Variants in ZRANB3 observed in about 807,000 individuals in gnomAD.
ZRANB3 encodes the protein DNA annealing helicase and endonuclease ZRANB3.
ZRANB3 carries 125 observed loss-of-function variants against 133.8 expected under a neutral mutation model. The observed-to-expected ratio is 0.93, with a 90% confidence interval of 0.81 to 1.08. The LOEUF (loss-of-function observed/expected upper bound fraction) is 1.08, where lower values mean the gene tolerates loss of function less well. Among genes scored for constraint, ZRANB3 ranks in the 50% least tolerant of loss-of-function variants. The pLI, the probability that ZRANB3 is intolerant of heterozygous loss-of-function variation, is 0.00. For missense variants in ZRANB3, 1,229 were observed against 1,275.5 expected, an observed-to-expected ratio of 0.96 and a Z score of 0.56; for synonymous variants, 387 against 432.7, an observed-to-expected ratio of 0.89 and a Z score of 1.31.
intron 15 of ZRANB3, among the ~76,000 whole-genome samples, chr2:135,221,081 T>A (rs1367504693): frequency 4.6e-5 from 7 of 152,022 alleles, no homozygotes; most frequent in Admixed American, 2.0e-4. Context: ...GGTCACGAAT[T>A]CCTGACCTCA....
chr2:135,249,149 A>G (rs1679240892), intron 12 of ZRANB3, among the ~76,000 whole-genome samples: 1 of 152,222 alleles, frequency 6.6e-6, no homozygotes, highest in Non-Finnish European at 1.5e-5. Context: ...TGTTGGTGGG[A>G]GTGTAAATTA....
chr2:135,317,378 T>C (rs1255661207), intron 6 of ZRANB3, among the ~76,000 whole-genome samples: 1 of 152,194 alleles, frequency 6.6e-6, no homozygotes, highest in Non-Finnish European at 1.5e-5. Context: ...ACTACCAATA[T>C]TGGGAAGAAG....
intron 2 of ZRANB3, among the ~76,000 whole-genome samples, chr2:135,417,932 G>A (rs1688664387): frequency 6.6e-6 from 1 of 152,142 alleles, no homozygotes; most frequent in Non-Finnish European, 1.5e-5. Context: ...GACACAGGAA[G>A]GAGAACATCA....
chr2:135,230,272 G>T (rs975488821), intron 13 of ZRANB3, among the ~76,000 whole-genome samples: 140 of 152,300 alleles, frequency 9.2e-4, no homozygotes, highest in African/African-American at 3.2e-3. Flanking sequence ...ATGTCCATTT[G>T]TGCCAAATTA....
rs183195610 is a variant in ZRANB3 at position 135,455,885 on chromosome 2, C to T, written c.161+48444G>A. On this transcript the variant is annotated intron_variant, in intron 2 of 20. Coordinates refer to ENST00000264159, the MANE Select transcript of ZRANB3 (RefSeq NM_032143.4). ...CTGGGATTACAGGCATGAGCCACCG[C>T]GCCCGGCCCAACTATTGATTTTTTA... Among the ~76,000 whole-genome samples the T allele has an allele frequency of 1.4e-3, 218 of 152,172 alleles. 1 individual carries two copies. Among genetic ancestry groups the T allele is most frequent in the African/African-American group, 5.0e-3 (208 of 41,522 alleles).
intron 8 of ZRANB3, among the ~76,000 whole-genome samples, chr2:135,312,509 C>T (rs1414838754): frequency 6.6e-6 from 1 of 152,068 alleles, no homozygotes; most frequent in Non-Finnish European, 1.5e-5. Context: ...GTGGTAAAAA[C>T]AACTACCACA....
chr2:135,374,183 G>A (rs912709085), intron 3 of ZRANB3, among the ~76,000 whole-genome samples: 2 of 152,126 alleles, frequency 1.3e-5, no homozygotes, highest in African/African-American at 2.4e-5. Context: ...AAGGTGGGCG[G>A]ATCACCTGAG....
chr2:135,208,181 A>T (rs1445308288), intron 18 of ZRANB3, among the ~76,000 whole-genome samples: 3 of 152,074 alleles, frequency 2.0e-5, no homozygotes, highest in Non-Finnish European at 4.4e-5. Flanking sequence ...ACCCCAACCA[A>T]AGCTTAGTGG....
intron 2 of ZRANB3, among the ~76,000 whole-genome samples, chr2:135,431,119 A>AT (rs1689301355): frequency 2.0e-5 from 3 of 151,056 alleles, no homozygotes; most frequent in Non-Finnish European, 4.4e-5. Context: ...TAAAAAAAAA[A>AT]AAAATAAATA....
At chr2:135,498,360 G>C (rs1029801784) in intron 2 of ZRANB3, among the ~76,000 whole-genome samples, 1 of 152,106 alleles carries the variant, frequency 6.6e-6, no homozygotes, top group Non-Finnish European at 1.5e-5. Flanking sequence ...TCTTATACCT[G>C]TCTTTACTGC....
At chr2:135,529,060 T>C (rs547503738) in intron 1 of ZRANB3, among the ~76,000 whole-genome samples, 5 of 152,350 alleles carry the variant, frequency 3.3e-5, no homozygotes, top group South Asian at 4.1e-4. Flanking sequence ...GGAGCCTGTC[T>C]TTTTAGGCAC....
Position 135,524,180 on chromosome 2 carries a change from G to A in ZRANB3, c.-8+6947C>T, listed in dbSNP as rs1046931158. 2.6e-5 allele frequency among the ~76,000 whole-genome samples: 4 copies of A among 151,862 alleles called. No individual in the cohort carries two copies. In the South Asian group the frequency reaches 6.3e-4, roughly 24 times the overall value. On this transcript the variant is annotated intron_variant, in intron 1 of 20. Coordinates refer to ENST00000264159, the MANE Select transcript of ZRANB3 (RefSeq NM_032143.4). ...CGGGTCACTGCAACCTGGGCCTCCC[G>A]GGTTCAAGCTCCTGCCTCAGCCTCC...
At chr2:135,426,253 T>G (rs76463714) in intron 2 of ZRANB3, among the ~76,000 whole-genome samples, 1 of 152,056 alleles carries the variant, frequency 6.6e-6, no homozygotes, top group African/African-American at 2.4e-5. Flanking sequence ...TTCTACCACA[T>G]GTATAAAGAA....
intron 7 of ZRANB3, 45 bp downstream of exon 7, chr2:135,315,314 C>T (rs1683197837): frequency 7.1e-7 from 1 of 1,412,796 alleles, no homozygotes; most frequent in East Asian, 2.6e-5. Context: ...TAGTGTAATT[C>T]AAAATTATTT....
At chr2:135,206,133 A>G (rs1693847279) in intron 19 of ZRANB3, among the ~76,000 whole-genome samples, 1 of 152,244 alleles carries the variant, frequency 6.6e-6, no homozygotes, top group South Asian at 2.1e-4. Context: ...TAGTATAAAA[A>G]AGGAATGGGG....
chr2:135,491,779 C>T (rs1385250250), intron 2 of ZRANB3, among the ~76,000 whole-genome samples: 3 of 151,680 alleles, frequency 2.0e-5, no homozygotes, highest in African/African-American at 4.8e-5. Context: ...CCTCACAAAG[C>T]GCTGGGATTA....
At position 135,490,376 on chromosome 2, in the gene ZRANB3, A is replaced by G. The variant is rs6748906; in HGVS notation, c.161+13953T>C. On this transcript the variant is annotated intron_variant, in intron 2 of 20. Coordinates refer to ENST00000264159, the MANE Select transcript of ZRANB3 (RefSeq NM_032143.4). ...AACAGACAATTCTCAAGGAAGATATATAAACTGCCAACAGGTATATTAAAA... is the reference window on the plus strand; with the variant it reads ...AACAGACAATTCTCAAGGAAGATATGTAAACTGCCAACAGGTATATTAAAA... 2.1e-3 allele frequency among the ~76,000 whole-genome samples: 316 copies of G among 152,340 alleles called. 4 individuals are homozygous for G. Among genetic ancestry groups the G allele is most frequent in the African/African-American group, 7.4e-3 (307 of 41,572 alleles).
intron 2 of ZRANB3, among the ~76,000 whole-genome samples, chr2:135,464,600 C>T (rs933931522): frequency 9.9e-5 from 15 of 152,126 alleles, no homozygotes; most frequent in African/African-American, 3.6e-4. Context: ...GCAGCTGTCC[C>T]CCTGAGATAT....
chr2:135,520,642 TGGTGTGCTCTCG>T (rs1693896049), intron 1 of ZRANB3, among the ~76,000 whole-genome samples: 1 of 151,720 alleles, frequency 6.6e-6, no homozygotes, highest in South Asian at 2.1e-4. Flanking sequence ...TAGAGTGCAG[TGGTGTGCTCTCG>T]GCTCACTGCA....
Sources: allele counts gnomAD v4.1 joint callset (sites outside exome capture counted in the v4.1 genomes callset), GRCh38; gene constraint gnomAD v4.1.1; transcripts MANE v1.5; gene names NCBI Gene and HGNC (gene_info 2026-07-23, HGNC 2026-07-21).